Variants in TNKS observed in about 807,000 individuals in gnomAD.
The protein encoded by TNKS is tankyrase.
Under a neutral mutation model 135.8 loss-of-function variants are expected in TNKS, and 72 were observed. That is an observed-to-expected ratio of 0.53 (90% CI 0.44 to 0.64). The LOEUF is 0.64. TNKS is among the 30% of genes least tolerant of loss of function. The probability of loss-of-function intolerance (pLI) is 0.00; values close to 1 mark genes in which losing one functional copy is unlikely to be tolerated. For synonymous variants in TNKS, 849 were observed against 649.3 expected, an observed-to-expected ratio of 1.31 and a Z score of -4.68; for missense variants, 1,769 against 1,674.0, an observed-to-expected ratio of 1.06 and a Z score of -0.99.
intron 3 of TNKS, among the ~76,000 whole-genome samples, chr8:9,621,407 C>T (rs1282251341): frequency 2.0e-5 from 3 of 151,526 alleles, no homozygotes; most frequent in Non-Finnish European, 2.9e-5. Context: ...TGGGTTCAAG[C>T]GATTCTCCTG....
chr8:9,672,690 AC>A (rs1802342590), intron 3 of TNKS, among the ~76,000 whole-genome samples: 1 of 121,748 alleles, frequency 8.2e-6, no homozygotes, highest in African/African-American at 3.0e-5. Context: ...ATACACACAC[AC>A]ACACACACAC....
At chr8:9,597,303 G>C (rs1798825284) in intron 2 of TNKS, among the ~76,000 whole-genome samples, 1 of 152,154 alleles carries the variant, frequency 6.6e-6, no homozygotes, top group African/African-American at 2.4e-5. Flanking sequence ...CTTTCCACTT[G>C]CTTTCTTCTT....
chr8:9,726,552 C>G (rs772671395), intron 12 of TNKS, 89 bp from the exon 13 acceptor site: 8 of 970,548 alleles, frequency 8.2e-6, no homozygotes, highest in African/African-American at 6.7e-5. Flanking sequence ...TTTGCAATCC[C>G]TCAAGAACCA....
intron 5 of TNKS, among the ~76,000 whole-genome samples, chr8:9,687,618 G>GT (rs1803067289): frequency 1.3e-5 from 2 of 152,170 alleles, no homozygotes; most frequent in African/African-American, 4.8e-5. Flanking sequence ...TGAATTTTTA[G>GT]TAGAAGGGGA....
At chr8:9,657,248 G>C (rs1238763426) in intron 3 of TNKS, among the ~76,000 whole-genome samples, 5 of 124,270 alleles carry the variant, frequency 4.0e-5, no homozygotes, top group Non-Finnish European at 5.4e-5. Context: ...CCGGGCGGGG[G>C]GCCGACCCCC....
At chr8:9,739,108 T>A (rs1468244348) in intron 17 of TNKS, among the ~76,000 whole-genome samples, 3 of 140,970 alleles carry the variant, frequency 2.1e-5, no homozygotes, top group African/African-American at 8.0e-5. Context: ...ACCATCAGAG[T>A]GAACAGGCAA....
At chr8:9,745,746 G>C (rs1462616095) in intron 17 of TNKS, among the ~76,000 whole-genome samples, 1 of 151,950 alleles carries the variant, frequency 6.6e-6, no homozygotes, top group Non-Finnish European at 1.5e-5. Context: ...TGTATTATTA[G>C]AGCAAATGTG....
At chr8:9,730,000 C>A (rs1805353562) in intron 13 of TNKS, among the ~76,000 whole-genome samples, 1 of 152,088 alleles carries the variant, frequency 6.6e-6, no homozygotes, top group Non-Finnish European at 1.5e-5. Context: ...TGGTCTCGAT[C>A]TCTTGACCTC....
rs188830245 is a variant in TNKS, at chr8:9,708,470, C to T, written c.1556C>T (p.Pro519Leu). The T allele has an allele frequency of 3.1e-5, 49 of 1,606,226 alleles. No individual in the cohort carries two copies. Among genetic ancestry groups the T allele is most frequent in the Non-Finnish European group, 3.8e-5 (45 of 1,176,228 alleles). ...CTGGAAATCATTAATTTCAAACAAC[C>T]GCAGTCTCATGAAACAGCACTGGTA... ...LALEIINFKQ[P>L]QSHETALHCA... The change falls in exon 9 of 27, where the codon CCG (proline) becomes CTG (leucine). Residue 519 changes from proline to leucine, a missense_variant. Pro to Leu is a moderately conservative substitution (Grantham distance 98). Coordinates refer to ENST00000310430, the MANE Select transcript of TNKS (RefSeq NM_003747.3).
At chr8:9,675,354 A>C (rs769563796) in intron 3 of TNKS, among the ~76,000 whole-genome samples, 16 of 152,222 alleles carry the variant, frequency 1.1e-4, no homozygotes, top group Non-Finnish European at 2.1e-4. Flanking sequence ...AATTCATGGT[A>C]CTACTTAGCA....
chr8:9,602,703 C>G (rs933205798), intron 2 of TNKS, among the ~76,000 whole-genome samples: 1 of 152,140 alleles, frequency 6.6e-6, no homozygotes, highest in African/African-American at 2.4e-5. Flanking sequence ...TGTAATGCCA[C>G]ACATATATGT....
intron 3 of TNKS, among the ~76,000 whole-genome samples, chr8:9,629,889 A>C (rs976219226): frequency 7.9e-5 from 12 of 152,050 alleles, no homozygotes; most frequent in Admixed American, 7.9e-4. Context: ...TCACCGTGTT[A>C]GCCAGGATGG....
At chr8:9,571,558 C>T (rs1797759174) in intron 1 of TNKS, among the ~76,000 whole-genome samples, 1 of 152,022 alleles carries the variant, frequency 6.6e-6, no homozygotes, top group Non-Finnish European at 1.5e-5. Flanking sequence ...CCCGGGTTCA[C>T]GCCATTCTCC....
chr8:9,776,292 T>C (rs1410407279), intron 26 of TNKS, among the ~76,000 whole-genome samples: 1 of 152,190 alleles, frequency 6.6e-6, no homozygotes, highest in Non-Finnish European at 1.5e-5. Flanking sequence ...TTAGCAAACT[T>C]TTATTGAACA....
intron 1 of TNKS, among the ~76,000 whole-genome samples, chr8:9,570,356 C>T (rs1331069536): frequency 6.6e-6 from 1 of 151,986 alleles, no homozygotes; most frequent in Non-Finnish European, 1.5e-5. Flanking sequence ...GTTCAAGAGG[C>T]CAAAAAAGAT....
At chr8:9,705,429 T>C (rs570867882) in intron 6 of TNKS, among the ~76,000 whole-genome samples, 5 of 152,356 alleles carry the variant, frequency 3.3e-5, no homozygotes, top group Middle Eastern at 3.4e-3. Context: ...TAGATTATGT[T>C]ACAGTCTTGT....
intron 1 of TNKS, among the ~76,000 whole-genome samples, chr8:9,571,250 A>G (rs927162970): frequency 5.3e-5 from 8 of 152,186 alleles, no homozygotes; most frequent in Non-Finnish European, 1.0e-4. Context: ...ATTGATGTAT[A>G]TATAGGTACC....
chr8:9,558,053 T>C (rs1797155250), intron 1 of TNKS: 1 of 152,190 alleles, frequency 6.6e-6, no homozygotes, highest in African/African-American at 2.4e-5. Flanking sequence ...GAGAGTAGCT[T>C]TCACATGTTT....
chr8:9,685,887 A>G (rs1315573614), intron 5 of TNKS, among the ~76,000 whole-genome samples: 2 of 152,322 alleles, frequency 1.3e-5, no homozygotes, highest in African/African-American at 4.8e-5. Context: ...CTTTGTATCT[A>G]CATTTAAGTT....
Sources: allele counts gnomAD v4.1 joint callset (sites outside exome capture counted in the v4.1 genomes callset), GRCh38; gene constraint gnomAD v4.1.1; transcripts MANE v1.5; gene names NCBI Gene and HGNC (gene_info 2026-07-23, HGNC 2026-07-21).